Variants in LPAR1 observed in about 807,000 individuals in gnomAD.
LPAR1 encodes lysophosphatidic acid receptor 1, also known as LPA receptor 1.
LPAR1 carries 5 observed loss-of-function variants against 23.8 expected under a neutral mutation model. That is an observed-to-expected ratio of 0.21 (90% CI 0.11 to 0.44). The LOEUF (loss-of-function observed/expected upper bound fraction) is 0.44. Among genes scored for constraint, LPAR1 ranks in the 20% least tolerant of loss-of-function variants. The pLI is 0.99. For synonymous variants in LPAR1, 160 were observed against 164.7 expected (o/e 0.97, Z 0.22); for missense variants, 311 against 482.8 (o/e 0.64, Z 3.33).
chr9:111,006,657 G>T (rs1171795641), intron 2 of LPAR1, among the ~76,000 whole-genome samples: 3 of 151,958 alleles, frequency 2.0e-5, no homozygotes, highest in African/African-American at 7.3e-5. Flanking sequence ...AATTCACAGG[G>T]GTATAAGGTA....
chr9:110,928,592 TTATACACACGCACACATACA>T (rs1204303865), intron 5 of LPAR1, among the ~76,000 whole-genome samples: 1 of 152,194 alleles, frequency 6.6e-6, no homozygotes, highest in Non-Finnish European at 1.5e-5. Flanking sequence ...TCTGATCGTT[TTATACACACGCACACATACA>T]TATACACACA....
chr9:110,950,147 T>C (rs2095523451), intron 4 of LPAR1, among the ~76,000 whole-genome samples: 2 of 140,872 alleles, frequency 1.4e-5, no homozygotes, highest in Admixed American at 1.4e-4. Flanking sequence ...ATGAATGTCA[T>C]ATTTAAGCAT....
intron 4 of LPAR1, among the ~76,000 whole-genome samples, chr9:110,951,532 A>G (rs2095568301): frequency 6.6e-6 from 1 of 152,238 alleles, no homozygotes; most frequent in African/African-American, 2.4e-5. Context: ...AATCACAAGA[A>G]AAGAAAATTA....
intron 2 of LPAR1, among the ~76,000 whole-genome samples, chr9:111,005,546 C>CAA (rs60143050): frequency 0.011 from 755 of 70,236 alleles, 29 homozygotes; most frequent in African/African-American, 0.017. Context: ...GACCCTGTCT[C>CAA]AAAAAAAAAA....
At chr9:110,990,762 C>G (rs2096877887) in intron 2 of LPAR1, among the ~76,000 whole-genome samples, 1 of 151,804 alleles carries the variant, frequency 6.6e-6, no homozygotes, top group Admixed American at 6.6e-5. Context: ...TATATAGAAA[C>G]TATAAAACAA....
chr9:110,951,243 T>G (rs2095560058), intron 4 of LPAR1, among the ~76,000 whole-genome samples: 1 of 152,046 alleles, frequency 6.6e-6, no homozygotes, highest in Non-Finnish European at 1.5e-5. Flanking sequence ...AAAATATATT[T>G]ATAAGCTCTG....
intron 2 of LPAR1, among the ~76,000 whole-genome samples, chr9:110,975,921 C>G (rs1428748167): frequency 1.3e-5 from 2 of 152,134 alleles, no homozygotes; most frequent in African/African-American, 4.8e-5. Flanking sequence ...GCTTACTTTG[C>G]CAAATACAAG....
At chr9:110,918,481 T>C (rs2093371781) in intron 5 of LPAR1, among the ~76,000 whole-genome samples, 1 of 152,194 alleles carries the variant, frequency 6.6e-6, no homozygotes, top group African/African-American at 2.4e-5. Flanking sequence ...AGCTGGCTTA[T>C]GTACAGGCTC....
rs2095098893 is a variant in LPAR1, at chr9:110,941,449, A to G, written c.765T>C (p.Ser255=). 5 of 1,613,538 alleles carry G rather than the reference A, an allele frequency of 3.1e-6. No individual in the cohort carries two copies. In the Admixed American group the frequency reaches 8.3e-5, roughly 27 times the overall value. ...GPRRNRDTMM[S]LLKTVVIVLG... Reference sequence around the variant, plus strand: ...GCACAATGACCACAGTCTTCAGAAGACTCATCATGGTATCCCGATTCCGCC... The same window carrying G: ...GCACAATGACCACAGTCTTCAGAAGGCTCATCATGGTATCCCGATTCCGCC... The change falls in exon 5 of 6, where the codon AGT becomes AGC. Residue 255 remains serine (S), a synonymous_variant. Transcript: ENST00000683809. The surrounding 1 kb of genome is among the most constrained non-coding windows in gnomAD (Gnocchi z 6.1).
At chr9:110,980,022 G>C (rs1468618263) in intron 2 of LPAR1, among the ~76,000 whole-genome samples, 1 of 151,990 alleles carries the variant, frequency 6.6e-6, no homozygotes, top group Non-Finnish European at 1.5e-5. Flanking sequence ...TTGCAGAAGA[G>C]GAAAAGGATT....
intron 5 of LPAR1, among the ~76,000 whole-genome samples, chr9:110,897,442 C>T (rs998864891): frequency 8.5e-5 from 13 of 152,128 alleles, no homozygotes; most frequent in Admixed American, 2.6e-4. Context: ...TTGTAAATTG[C>T]TCAGTCTCGG....
chr9:110,880,803 C>T (rs941742142), intron 5 of LPAR1, among the ~76,000 whole-genome samples: 6 of 152,146 alleles, frequency 3.9e-5, no homozygotes, highest in African/African-American at 1.4e-4. Context: ...ATTGTTTATT[C>T]CCTCAGGTCA....
intron 5 of LPAR1, among the ~76,000 whole-genome samples, chr9:110,887,484 A>ATC (rs1330352177): frequency 1.1e-4 from 17 of 152,254 alleles, no homozygotes; most frequent in South Asian, 2.1e-4. Context: ...GATCTTTAGG[A>ATC]AGCACAGATT....
At chr9:111,026,291 T>C (rs1449840603) in intron 2 of LPAR1, among the ~76,000 whole-genome samples, 2 of 152,352 alleles carry the variant, frequency 1.3e-5, no homozygotes, top group East Asian at 3.9e-4. Context: ...TTGTAGCAAT[T>C]GTGAATGGGA....
At chr9:110,932,120 G>C (rs946446654) in intron 5 of LPAR1, among the ~76,000 whole-genome samples, 1 of 152,042 alleles carries the variant, frequency 6.6e-6, no homozygotes, top group African/African-American at 2.4e-5. Context: ...CTATCAAATC[G>C]CATTGAATTT....
intron 5 of LPAR1, among the ~76,000 whole-genome samples, chr9:110,921,365 T>C (rs1276044732): frequency 6.6e-6 from 1 of 152,254 alleles, no homozygotes; most frequent in Non-Finnish European, 1.5e-5. Flanking sequence ...TAAGAGCCAG[T>C]AGTTTATTAC....
intron 5 of LPAR1, among the ~76,000 whole-genome samples, chr9:110,929,125 C>T (rs3780526): frequency 0.16 from 24,725 of 152,134 alleles, 2,746 homozygotes; most frequent in East Asian, 0.6. Context: ...TTCAAAAAGA[C>T]CCTGTTATTG....
chr9:111,011,603 A>G (rs1264241490), intron 2 of LPAR1, among the ~76,000 whole-genome samples: 1 of 152,166 alleles, frequency 6.6e-6, no homozygotes, highest in Non-Finnish European at 1.5e-5. Flanking sequence ...TCTGTCTCAT[A>G]ATTCTATTTT....
At chr9:111,035,635 T>C (rs1205123008) in intron 2 of LPAR1, among the ~76,000 whole-genome samples, 1 of 152,228 alleles carries the variant, frequency 6.6e-6, no homozygotes, top group Non-Finnish European at 1.5e-5. Flanking sequence ...CAAGAGCTTA[T>C]GTTTAAGTTT....
Sources: allele counts gnomAD v4.1 joint callset (sites outside exome capture counted in the v4.1 genomes callset), GRCh38; gene constraint gnomAD v4.1.1; non-coding constraint Gnocchi (gnomAD v3.1); transcripts MANE v1.5; gene names NCBI Gene and HGNC (gene_info 2026-07-23, HGNC 2026-07-21).